Variants in ADGRD1 observed in about 807,000 individuals in gnomAD.
ADGRD1 encodes G-protein coupled receptor 133.
In ADGRD1, 77 loss-of-function variants were observed where a neutral mutation model predicts 113.4. That is an observed-to-expected ratio of 0.68 (90% CI 0.57 to 0.82). The LOEUF (loss-of-function observed/expected upper bound fraction) is 0.82. Ranked by LOEUF, ADGRD1 falls within the 40% of genes least tolerant of loss-of-function variation. ADGRD1 has a pLI of 0.00. For synonymous variants in ADGRD1, 474 were observed against 475.0 expected, an observed-to-expected ratio of 1.00 and a Z score of 0.03; for missense variants, 1,036 against 1,139.1, an observed-to-expected ratio of 0.91 and a Z score of 1.30.
intron 13 of ADGRD1, among the ~76,000 whole-genome samples, chr12:131,046,494 C>T (rs1566062184): frequency 1.4e-5 from 2 of 146,574 alleles, no homozygotes; most frequent in Non-Finnish European, 3.0e-5. Flanking sequence ...GGTCAGTGTC[C>T]TCCCTGGTCA....
At chr12:130,991,768 G>C (rs905232495) in intron 7 of ADGRD1, among the ~76,000 whole-genome samples, 1 of 152,162 alleles carries the variant, frequency 6.6e-6, no homozygotes, top group African/African-American at 2.4e-5. Context: ...AGAAAGCTGA[G>C]ACAGGAGGAC....
In ADGRD1 at chr12:131,139,242, C is replaced by T. The variant is rs145514604; in HGVS notation, c.2604C>T (p.Arg868=). Residue 868 remains arginine (R), a synonymous_variant, in exon 25 of 25, where the codon CGC becomes CGT. Coordinates refer to ENST00000261654, the MANE Select transcript of ADGRD1 (RefSeq NM_198827.5). ...ACAAGAGCAGCCACTCTGCCCACCGCGTCGACCTGTCAGCCGTGTGAGCCG... is the reference window on the plus strand; with the variant it reads ...ACAAGAGCAGCCACTCTGCCCACCGTGTCGACCTGTCAGCCGTGTGAGCCG... ...PWDKSSHSAH[R]VDLSAV The T allele has an allele frequency of 7.7e-4, 1,244 of 1,612,856 alleles. 12 individuals carry two copies. The African/African-American group carries it at 0.015, about 20-fold the overall frequency.
intron 18 of ADGRD1, among the ~76,000 whole-genome samples, chr12:131,116,197 C>T (rs1950459442): frequency 6.6e-6 from 1 of 152,210 alleles, no homozygotes; most frequent in African/African-American, 2.4e-5. Flanking sequence ...ATGGCTTGGC[C>T]TCTGCTGGAC....
At chr12:131,091,103 C>A (rs1035658517) in intron 15 of ADGRD1, among the ~76,000 whole-genome samples, 2 of 152,068 alleles carry the variant, frequency 1.3e-5, no homozygotes, top group Admixed American at 1.3e-4. Flanking sequence ...TGATTTCTGC[C>A]CCTTTGAAAT....
Position 131,084,646 on chromosome 12 carries a change from C to A in ADGRD1, c.1654C>A (p.Gln552Lys). The A allele has an allele frequency of 6.2e-7, 1 of 1,614,166 alleles. No individual in the cohort carries two copies. The highest frequency in any genetic ancestry group is 8.5e-7 in the Non-Finnish European group (1 of 1,180,008). Reference protein sequence around the residue: ...THLTNFAILMQVVPLELARGH... With the variant: ...THLTNFAILMKVVPLELARGH... ...CCTCACCAACTTTGCCATCCTCATG[C>A]AGGTGGTCCCGCTGGAGGTAAGAGC... is the stretch of plus-strand genomic sequence containing the variant. Residue 552 changes from glutamine to lysine, a missense_variant, in exon 15 of 25, where the codon CAG (glutamine) becomes AAG (lysine). By Grantham distance (53) the Gln-to-Lys change is moderately conservative (BLOSUM62 1). Transcript: ENST00000261654. The surrounding 1 kb of genome is among the most constrained non-coding windows in gnomAD (Gnocchi z 4.5).
chr12:131,040,930 T>A (rs1882068970), intron 13 of ADGRD1, among the ~76,000 whole-genome samples: 1 of 152,232 alleles, frequency 6.6e-6, no homozygotes, highest in Non-Finnish European at 1.5e-5. Context: ...AATTGCTAGC[T>A]TCTTCCTGAA....
Position 131,139,325 on chromosome 12 carries a change from A to C in ADGRD1, c.*62A>C. The C allele has an allele frequency of 1.7e-6, 2 of 1,173,448 alleles. No individual in the cohort carries two copies. Among genetic ancestry groups the C allele is most frequent in the Non-Finnish European group, 2.5e-6 (2 of 805,222 alleles). The allele number at this position is 1,173,448 out of a possible 1,614,324, so 72.7% of individuals were successfully genotyped here. A position where few individuals can be genotyped will look rare whatever the true frequency, so the allele number is the denominator to read the frequency against. ...AACACACCCCCCCAAACAGAATGAA[A>C]TGCCCCACCTTTGCCCATGGACCCT... is the stretch of plus-strand genomic sequence containing the variant. On this transcript the variant is annotated 3_prime_UTR_variant, in exon 25 of 25. Transcript: ENST00000261654.
rs1292231734 is a variant in ADGRD1 at position 131,036,606 on chromosome 12, G to A, written c.1473+22266G>A. 9.5e-5 allele frequency among the ~76,000 whole-genome samples: 12 copies of A among 126,006 alleles called. No homozygotes were observed. The East Asian group carries it at 1.7e-3, about 18-fold the overall frequency. 82.7% of individuals were successfully genotyped at this position (126,006 alleles called of 152,430 possible). On this transcript the variant is annotated intron_variant, in intron 13 of 24. Transcript: ENST00000261654. Reference sequence around the variant, plus strand: ...TACACCAGGTCTCACTCACTGCACCGGGCCTCACTCACCGCACCAGGCCTC... The same window carrying A: ...TACACCAGGTCTCACTCACTGCACCAGGCCTCACTCACCGCACCAGGCCTC...
In ADGRD1 at chr12:131,139,404, C is replaced by CCT; in HGVS notation, c.*142_*143dup. ...TGTGGCCCCGAGACAGCTGTCCTCC[C>CCT]CTGTGACTCTGGCTGTCGGAGCACA... On this transcript the variant is annotated 3_prime_UTR_variant, in exon 25 of 25. Transcript: ENST00000261654. 1.6e-6 allele frequency: 1 copy of CCT among 640,458 alleles called. No homozygotes were observed. The highest frequency in any genetic ancestry group is 2.8e-6 in the Non-Finnish European group (1 of 359,030). 39.7% of individuals were successfully genotyped at this position (640,458 alleles called of 1,614,324 possible).
chr12:131,132,405 T>C lies in ADGRD1; in HGVS notation c.2267+589T>C, dbSNP rs114745494. On this transcript the variant is annotated intron_variant, in intron 21 of 24. Transcript: ENST00000261654. ...CTGCATCTCTTACGGCCCAGCCGATTGCAGGTGACAGAAATCCCAGCATGC... is the reference window on the plus strand; with the variant it reads ...CTGCATCTCTTACGGCCCAGCCGATCGCAGGTGACAGAAATCCCAGCATGC... Among the ~76,000 whole-genome samples, 258 of 152,320 alleles carry C rather than the reference T, an allele frequency of 1.7e-3. 1 individual carries two copies. The highest frequency in any genetic ancestry group is 5.9e-3 in the African/African-American group (247 of 41,574).
intron 4 of ADGRD1, among the ~76,000 whole-genome samples, chr12:130,975,544 T>C (rs1872208761): frequency 6.6e-6 from 1 of 152,142 alleles, no homozygotes; most frequent in African/African-American, 2.4e-5. Context: ...CACTCAAGCA[T>C]GTTGCTAGGA....
chr12:131,108,784 A>T lies in ADGRD1; in HGVS notation c.1948A>T (p.Met650Leu), dbSNP rs781718620. The T allele has an allele frequency of 6.2e-7, 1 of 1,613,736 alleles. No homozygotes were observed. Among genetic ancestry groups the T allele is most frequent in the Non-Finnish European group, 8.5e-7 (1 of 1,179,890 alleles). The change falls in exon 18 of 25, where the codon ATG (methionine) becomes TTG (leucine). Residue 650 changes from methionine (M) to leucine (L), a missense_variant. Coordinates refer to ENST00000261654, the MANE Select transcript of ADGRD1 (RefSeq NM_198827.5). The part of the protein sequence containing the change: ...HYFFLSAFAW[M>L]LVEGLHLYSM... ...CTTCTTCCTGAGTGCCTTCGCATGGATGCTGGTGGAGGGGCTGCACCTCTA... is the reference window on the plus strand; with the variant it reads ...CTTCTTCCTGAGTGCCTTCGCATGGTTGCTGGTGGAGGGGCTGCACCTCTA...
Position 131,121,154 on chromosome 12 carries a change from G to A in ADGRD1, c.2175+241G>A, listed in dbSNP as rs1468186690. Among the ~76,000 whole-genome samples, 5 of 152,336 alleles carry A rather than the reference G, an allele frequency of 3.3e-5. No homozygotes were observed. In the South Asian group the frequency reaches 8.3e-4, roughly 25 times the overall value. On this transcript the variant is annotated intron_variant, in intron 20 of 24. Transcript: ENST00000261654. ...TCGAGGCCCCAGGGCTCTTCCAGTC[G>A]AGGCGGCAGGTGCAGGCACACAGCC...
At chr12:131,107,181 C>T (rs1725808) in intron 17 of ADGRD1, among the ~76,000 whole-genome samples, 49,170 of 143,624 alleles carry the variant, frequency 0.34, 6,565 homozygotes, top group African/African-American at 0.44. Context: ...TCCCAGAGAC[C>T]TGTGTCTGAA....
At chr12:131,029,977 T>A (rs1475965481) in intron 13 of ADGRD1, among the ~76,000 whole-genome samples, 43 of 149,808 alleles carry the variant, frequency 2.9e-4, no homozygotes, top group African/African-American at 6.9e-4. Context: ...TGGGGTTAGG[T>A]TGTGGACCCC....
At chr12:130,959,679 C>T (rs1036340792) in intron 2 of ADGRD1, among the ~76,000 whole-genome samples, 1 of 152,228 alleles carries the variant, frequency 6.6e-6, no homozygotes, top group Admixed American at 6.5e-5. Context: ...GCATTCGGCT[C>T]ACAGGTGGCT....
rs746626737 is a variant in ADGRD1, at chr12:131,118,381, G to A, written c.2042-4G>A. The A allele has an allele frequency of 5.2e-5, 83 of 1,604,256 alleles. No homozygotes were observed. Among genetic ancestry groups the A allele is most frequent in the Middle Eastern group, 1.7e-4 (1 of 6,050 alleles). On this transcript the variant is annotated splice_polypyrimidine_tract_variant and splice_region_variant and intron_variant, in intron 18 of 24. Coordinates refer to ENST00000261654, the MANE Select transcript of ADGRD1 (RefSeq NM_198827.5). The stretch of plus-strand genomic sequence containing the variant: ...TGAACATGATATTCTCCAATCTTCT[G>A]CAGGTTTTCCTCTTCTGATCTGCAT...
chr12:131,007,049 A>C (rs1877215620), intron 12 of ADGRD1, among the ~76,000 whole-genome samples: 1 of 152,200 alleles, frequency 6.6e-6, no homozygotes, highest in Admixed American at 6.5e-5. Context: ...GAAATATATG[A>C]GACGTGCATT....
chr12:131,058,691 C>G (rs1463440372), intron 13 of ADGRD1, among the ~76,000 whole-genome samples: 2 of 152,312 alleles, frequency 1.3e-5, no homozygotes, highest in South Asian at 2.1e-4. Flanking sequence ...AGAGGCCGCT[C>G]CCTTCCATCC....
Sources: allele counts gnomAD v4.1 joint callset (sites outside exome capture counted in the v4.1 genomes callset), GRCh38; gene constraint gnomAD v4.1.1; non-coding constraint Gnocchi (gnomAD v3.1); transcripts MANE v1.5; gene names NCBI Gene and HGNC (gene_info 2026-07-23, HGNC 2026-07-21).